CHD1L: variants seen among roughly 807,000 people sequenced by gnomAD.
CHD1L encodes chromodomain helicase DNA binding protein 1 like.
Under a neutral mutation model 115.9 loss-of-function variants are expected in CHD1L, and 118 were observed. That is an observed-to-expected ratio of 1.02 (90% CI 0.88 to 1.19). The LOEUF is 1.19. Among genes scored for constraint, CHD1L ranks in the 50% most tolerant of loss-of-function variants. The pLI is 0.00. For missense variants in CHD1L, 1,179 were observed against 1,065.3 expected (o/e 1.11, Z -1.49); for synonymous variants, 411 against 387.1 (o/e 1.06, Z -0.72).
At chr1:147,182,380 G>A in the CHD1L span, among the ~76,000 whole-genome samples, 1 of 152,196 alleles carries the variant, frequency 6.6e-6, no homozygotes, top group African/African-American at 2.4e-5. Flanking sequence ...TGAAGTATAA[G>A]GTCCACATGC....
chr1:147,203,723 CT>C, the CHD1L span: 1 of 1,530,528 alleles, frequency 6.5e-7, no homozygotes, highest in Non-Finnish European at 9.1e-7. Flanking sequence ...ACGTTTATCC[CT>C]TGTAAGAACT....
At chr1:147,255,109 A>G in intron 3 of CHD1L, 133 bp downstream of exon 3, 4 of 590,434 alleles carry the variant, frequency 6.8e-6, no homozygotes, top group South Asian at 2.6e-5. Context: ...TTGAGCTGAT[A>G]GAGTGTAGGT....
intron 21 of CHD1L, 121 bp downstream of exon 21, chr1:147,293,843 C>A: frequency 1.4e-6 from 1 of 732,264 alleles, no homozygotes. Context: ...AGGCAAACCA[C>A]AGAAGTGATC....
intron 17 of CHD1L, 135 bp from the exon 18 acceptor site, chr1:147,286,162 GA>G: frequency 1.2e-6 from 1 of 819,992 alleles, no homozygotes; most frequent in Non-Finnish European, 1.9e-6. Flanking sequence ...CAAATAAGTA[GA>G]AAACTTCAAT....
intron 16 of CHD1L, among the ~76,000 whole-genome samples, chr1:147,285,054 C>T (rs1238593128): frequency 1.3e-5 from 2 of 152,164 alleles, no homozygotes; most frequent in African/African-American, 2.4e-5. Flanking sequence ...TAACTTATTC[C>T]TAATGAAATG....
chr1:147,271,001 C>G lies in CHD1L; in HGVS notation c.1155C>G (p.Tyr385Ter). Reference sequence around the variant, plus strand: ...ATATTCTCCAAGACTATATGGATTACAGAGGTGACACCTTTTGGCCACTAC... The same window carrying G: ...ATATTCTCCAAGACTATATGGATTAGAGAGGTGACACCTTTTGGCCACTAC... ...MLDILQDYMD[Y>*]RGYSYERVDG... The change falls in exon 11 of 23, where the codon TAC (tyrosine) becomes TAG (stop). Residue 385 changes from tyrosine to a stop codon, truncating the protein, a stop_gained. Transcript: ENST00000369258. LOFTEE classifies it high-confidence loss of function. The G allele has an allele frequency of 6.2e-7, 1 of 1,613,638 alleles. No individual in the cohort carries two copies. The highest frequency in any genetic ancestry group is 1.1e-5 in the South Asian group (1 of 91,070).
the CHD1L span, among the ~76,000 whole-genome samples, chr1:147,195,721 T>C: frequency 6.6e-6 from 1 of 152,142 alleles, no homozygotes; most frequent in Non-Finnish European, 1.5e-5. Flanking sequence ...ATGTAGAAGA[T>C]TTTGGCCACA....
chr1:147,201,546 G>A, the CHD1L span: 2 of 1,505,872 alleles, frequency 1.3e-6, no homozygotes, highest in South Asian at 1.2e-5. Flanking sequence ...ATGAGAGAAA[G>A]AGAAATCAGT....
At chr1:147,291,228 C>T (rs1553970204) in intron 19 of CHD1L, among the ~76,000 whole-genome samples, 1 of 152,136 alleles carries the variant, frequency 6.6e-6, no homozygotes. Context: ...GTTTTGTATT[C>T]ACTTTCTGAT....
chr1:147,225,899 A>T, the CHD1L span: 1 of 152,208 alleles, frequency 6.6e-6, no homozygotes, highest in African/African-American at 2.4e-5. Context: ...TTAAAGGCTT[A>T]CAACTTTAAG....
At chr1:147,291,901 C>A (rs1685685034) in intron 20 of CHD1L, among the ~76,000 whole-genome samples, 1 of 152,004 alleles carries the variant, frequency 6.6e-6, no homozygotes, top group Non-Finnish European at 1.5e-5. Context: ...CCACCCTAAA[C>A]CCTTGTTTTA....
At chr1:147,212,825 CTT>C in the CHD1L span, among the ~76,000 whole-genome samples, 1 of 152,052 alleles carries the variant, frequency 6.6e-6, no homozygotes, top group South Asian at 2.1e-4. Context: ...CCTCCATTCT[CTT>C]TTATCTTTTC....
intron 20 of CHD1L, among the ~76,000 whole-genome samples, chr1:147,291,879 A>G (rs919936631): frequency 3.3e-5 from 5 of 152,082 alleles, no homozygotes; most frequent in Non-Finnish European, 7.4e-5. Flanking sequence ...AGCACTCAGA[A>G]TGGATCAGGC....
intron 10 of CHD1L, 50 bp downstream of exon 10, chr1:147,268,928 C>A: frequency 7.0e-7 from 1 of 1,437,028 alleles, no homozygotes; most frequent in Non-Finnish European, 9.7e-7. Flanking sequence ...CTGTTAAAAC[C>A]TGACTATTGA....
the CHD1L span, among the ~76,000 whole-genome samples, chr1:147,173,948 C>G: frequency 6.6e-6 from 1 of 152,236 alleles, no homozygotes; most frequent in Non-Finnish European, 1.5e-5. Flanking sequence ...TAATCCATTT[C>G]TAACCAGATA....
At chr1:147,249,812 C>T (rs1216815795) in intron 1 of CHD1L, among the ~76,000 whole-genome samples, 3 of 152,154 alleles carry the variant, frequency 2.0e-5, no homozygotes, top group African/African-American at 4.8e-5. Context: ...CAGCCCTATC[C>T]TCCTTCACCT....
intron 15 of CHD1L, among the ~76,000 whole-genome samples, chr1:147,283,172 T>A (rs1241466814): frequency 3.3e-5 from 5 of 152,214 alleles, no homozygotes; most frequent in Non-Finnish European, 7.3e-5. Context: ...TTGACACTTC[T>A]CAGCTCTATT....
At chr1:147,284,187 C>T (rs587649022) in intron 15 of CHD1L, among the ~76,000 whole-genome samples, 164 bp from the exon 16 acceptor site, 1 of 152,272 alleles carries the variant, frequency 6.6e-6, no homozygotes, top group South Asian at 2.1e-4. Context: ...AACCCACATT[C>T]TTCAGTGTCA....
At chr1:147,259,609 G>T in intron 5 of CHD1L, 1 of 401,324 alleles carries the variant, frequency 2.5e-6, no homozygotes, top group Non-Finnish European at 4.5e-6. Flanking sequence ...TTTCTGCATA[G>T]GTCTTTCCCA....
Sources: allele counts gnomAD v4.1 joint callset (sites outside exome capture counted in the v4.1 genomes callset), GRCh38; gene constraint gnomAD v4.1.1; transcripts MANE v1.5; gene names NCBI Gene and HGNC (gene_info 2026-07-23, HGNC 2026-07-21).